Variants in FHIT observed in about 807,000 individuals in gnomAD.
FHIT encodes the protein bis(5'-adenosyl)-triphosphatase.
A neutral mutation model predicts 17.9 loss-of-function variants in FHIT; 19 were observed. The ratio of observed to expected loss-of-function variants is 1.06; its 90% CI spans 0.74 to 1.56. FHIT has a LOEUF of 1.56. Among genes scored for constraint, FHIT ranks in the 40% most tolerant of loss-of-function variants. The pLI is 0.00. For synonymous variants in FHIT, 81 were observed against 69.7 expected, an observed-to-expected ratio of 1.16 and a Z score of -0.81; for missense variants, 248 against 189.2, an observed-to-expected ratio of 1.31 and a Z score of -1.82.
chr3:60,814,909 GTTTTT>G (rs1217616849), intron 4 of FHIT, among the ~76,000 whole-genome samples: 6 of 134,136 alleles, frequency 4.5e-5, no homozygotes, highest in Non-Finnish European at 9.8e-5. Flanking sequence ...TGTTTTTGTT[GTTTTT>G]TTTTTTTTTA....
chr3:60,087,701 C>CA (rs1703556288), intron 5 of FHIT, among the ~76,000 whole-genome samples: 2 of 152,198 alleles, frequency 1.3e-5, no homozygotes, highest in Admixed American at 6.5e-5. Context: ...ACAAGGGTGA[C>CA]AGTTCCCAGT....
intron 5 of FHIT, among the ~76,000 whole-genome samples, chr3:60,199,546 G>A (rs1487099927): frequency 6.6e-6 from 1 of 152,038 alleles, no homozygotes; most frequent in African/African-American, 2.4e-5. Context: ...GTGGGTGGTG[G>A]GAAAATGAAG....
intron 5 of FHIT, among the ~76,000 whole-genome samples, chr3:60,311,250 C>T (rs1708928983): frequency 1.3e-5 from 2 of 150,826 alleles, no homozygotes. Flanking sequence ...TCTACCCCAA[C>T]GTGTGTGTGT....
At position 60,014,027 on chromosome 3, in the gene FHIT, A is replaced by G; in HGVS notation, c.229T>C (p.Ser77Pro). Residue 77 changes from serine to proline, a missense_variant, in exon 6 of 10, where the codon TCT becomes CCT. Ser to Pro is a moderately conservative substitution (Grantham distance 74). Transcript: ENST00000492590. Reference sequence around the variant, plus strand: ...CTCACCTGCATGGAAAAGGTGAGAGAGGTCCCATGGAAATGTTTTTCCACC... The same window carrying G: ...CTCACCTGCATGGAAAAGGTGAGAGGGGTCCCATGGAAATGTTTTTCCACC... ...TVVEKHFHGT[S>P]LTFSMQDGPE... is the part of the protein sequence containing the mutation. 2 of 1,614,008 alleles carry G rather than the reference A, an allele frequency of 1.2e-6. No individual in the cohort carries two copies.
chr3:60,535,414 A>T (rs1400210598), intron 5 of FHIT, among the ~76,000 whole-genome samples: 1 of 152,144 alleles, frequency 6.6e-6, no homozygotes, highest in Non-Finnish European at 1.5e-5. Flanking sequence ...TTCTTTTAAC[A>T]CCTGAATTTA....
At chr3:60,782,860 T>G (rs147845701) in intron 4 of FHIT, among the ~76,000 whole-genome samples, 171 of 152,270 alleles carry the variant, frequency 1.1e-3, no homozygotes, top group African/African-American at 4.0e-3. Flanking sequence ...TAAACAGGCA[T>G]AAAGGGCCTA....
At chr3:60,061,975 A>T (rs1349412218) in intron 5 of FHIT, among the ~76,000 whole-genome samples, 2 of 152,182 alleles carry the variant, frequency 1.3e-5, no homozygotes, top group African/African-American at 4.8e-5. Context: ...TTACTGCTAG[A>T]AGGGGAAAAA....
At chr3:60,359,389 T>A (rs1344959902) in intron 5 of FHIT, among the ~76,000 whole-genome samples, 2 of 149,912 alleles carry the variant, frequency 1.3e-5, no homozygotes, top group African/African-American at 4.9e-5. Flanking sequence ...CAAGCGATTC[T>A]CCTGCCTCAG....
At chr3:59,805,997 C>T (rs538095258) in intron 8 of FHIT, among the ~76,000 whole-genome samples, 256 of 152,102 alleles carry the variant, frequency 1.7e-3, no homozygotes, top group Middle Eastern at 6.8e-3. Context: ...CTGGCTAACA[C>T]GGTGAAACCC....
chr3:61,210,747 C>A (rs995932178), intron 1 of FHIT, among the ~76,000 whole-genome samples: 1 of 152,046 alleles, frequency 6.6e-6, no homozygotes, highest in Non-Finnish European at 1.5e-5. Flanking sequence ...TGACCCCTTG[C>A]GCTTCCCGGA....
chr3:60,429,280 T>C (rs1212133906), intron 5 of FHIT, among the ~76,000 whole-genome samples: 2 of 152,130 alleles, frequency 1.3e-5, no homozygotes, highest in South Asian at 4.2e-4. Flanking sequence ...CTTCCACTTA[T>C]CAATAGTAAT....
chr3:61,094,888 C>T (rs185249773), intron 2 of FHIT, among the ~76,000 whole-genome samples: 75 of 152,222 alleles, frequency 4.9e-4, no homozygotes, highest in African/African-American at 1.5e-3. Flanking sequence ...CTACTTAGGA[C>T]GGTGTGCAAT....
At chr3:61,128,391 G>A (rs1377583474) in intron 2 of FHIT, among the ~76,000 whole-genome samples, 1 of 152,040 alleles carries the variant, frequency 6.6e-6, no homozygotes, top group Non-Finnish European at 1.5e-5. Flanking sequence ...ATGTCAGCAG[G>A]GTCAAATTAT....
At chr3:60,037,286 A>G (rs1256556018) in intron 5 of FHIT, among the ~76,000 whole-genome samples, 5 of 152,210 alleles carry the variant, frequency 3.3e-5, no homozygotes, top group Admixed American at 2.6e-4. Flanking sequence ...GCTTCAAAAA[A>G]ATGTTTTCCA....
intron 5 of FHIT, among the ~76,000 whole-genome samples, chr3:60,525,433 C>G (rs533842076): frequency 4.2e-4 from 64 of 152,264 alleles, no homozygotes; most frequent in South Asian, 1.2e-3. Flanking sequence ...GTGGTATTGA[C>G]TGACAACCCC....
At chr3:59,935,649 G>GGGGTGGATGGGTGATGGATGGGT (rs1559479302) in intron 7 of FHIT, among the ~76,000 whole-genome samples, 2 of 151,926 alleles carry the variant, frequency 1.3e-5, no homozygotes, top group Non-Finnish European at 2.9e-5. Flanking sequence ...ATGGATGGGT[G>GGGGTGGATGGGTGATGGATGGGT]GGGTGGATGG....
chr3:61,085,520 A>T (rs1314712345), intron 2 of FHIT, among the ~76,000 whole-genome samples: 1 of 152,062 alleles, frequency 6.6e-6, no homozygotes, highest in Non-Finnish European at 1.5e-5. Flanking sequence ...CTTGATATTA[A>T]ATGCTTTATC....
chr3:60,342,223 A>T (rs774213885), intron 5 of FHIT, among the ~76,000 whole-genome samples: 1 of 152,184 alleles, frequency 6.6e-6, no homozygotes, highest in Non-Finnish European at 1.5e-5. Context: ...ATCAGTAAGT[A>T]GTTATTGAAT....
intron 5 of FHIT, among the ~76,000 whole-genome samples, chr3:60,446,470 A>C (rs959310258): frequency 6.6e-6 from 1 of 152,042 alleles, no homozygotes; most frequent in Non-Finnish European, 1.5e-5. Flanking sequence ...GTTTACACAC[A>C]CTCCATAGGT....
Sources: gnomAD v4.1 joint callset for allele counts (sites outside exome capture counted in the v4.1 genomes callset) on GRCh38, gnomAD v4.1.1 for gene constraint, MANE v1.5 for transcripts, NCBI Gene and HGNC (gene_info 2026-07-23, HGNC 2026-07-21) for gene names.